CABIN1: variants seen among roughly 807,000 people sequenced by gnomAD.
CABIN1 encodes the protein calcineurin-binding protein cabin-1.
A neutral mutation model predicts 227.7 loss-of-function variants in CABIN1; 133 were observed. The ratio of observed to expected loss-of-function variants is 0.58; its 90% CI spans 0.51 to 0.67. The LOEUF is 0.67. Ranked by LOEUF, CABIN1 falls within the 30% of genes least tolerant of loss-of-function variation. The pLI, the probability that CABIN1 is intolerant of heterozygous loss-of-function variation, is 0.00. For missense variants in CABIN1, 2,408 were observed against 2,852.5 expected (o/e 0.84, Z 3.55); for synonymous variants, 1,086 against 1,155.1 (o/e 0.94, Z 1.21).
chr22:24,067,357 G>C (rs1004815018), intron 16 of CABIN1, among the ~76,000 whole-genome samples, 176 bp downstream of exon 16: 1 of 152,206 alleles, frequency 6.6e-6, no homozygotes, highest in African/African-American at 2.4e-5. Context: ...AAGACTAATG[G>C]AAAGTTAGAA....
intron 22 of CABIN1, among the ~76,000 whole-genome samples, chr22:24,087,161 C>T (rs186869941): frequency 1.3e-5 from 2 of 152,338 alleles, no homozygotes; most frequent in Admixed American, 1.3e-4. Flanking sequence ...GTACTTACTG[C>T]ATGCCTATTA....
intron 1 of CABIN1, among the ~76,000 whole-genome samples, chr22:24,017,790 ATTTTT>A (rs138381748): frequency 7.1e-6 from 1 of 141,550 alleles, no homozygotes; most frequent in East Asian, 2.0e-4. Flanking sequence ...TGCTTTCACC[ATTTTT>A]TTTTTTTTCT....
At chr22:24,166,574 C>G in intron 31 of CABIN1, 65 bp from the exon 32 acceptor site, 1 of 1,607,952 alleles carries the variant, frequency 6.2e-7, no homozygotes, top group Middle Eastern at 1.7e-4. Context: ...TCACCAGCCC[C>G]CAGAGGTGAC....
intron 27 of CABIN1, among the ~76,000 whole-genome samples, chr22:24,118,676 T>C (rs976247621): frequency 1.3e-5 from 2 of 152,162 alleles, no homozygotes; most frequent in African/African-American, 4.8e-5. Flanking sequence ...ATAGCTTTCT[T>C]CTTCTGTAGC....
intron 27 of CABIN1, among the ~76,000 whole-genome samples, chr22:24,117,924 A>C (rs1259148918): frequency 6.6e-6 from 1 of 152,216 alleles, no homozygotes; most frequent in African/African-American, 2.4e-5. Flanking sequence ...TTTTTAATAA[A>C]GTGATGGTAT....
At chr22:24,015,641 G>T (rs2035222636) in intron 1 of CABIN1, among the ~76,000 whole-genome samples, 1 of 151,798 alleles carries the variant, frequency 6.6e-6, no homozygotes, top group Non-Finnish European at 1.5e-5. Flanking sequence ...ACTGCGCCCG[G>T]CCCCTCATTA....
intron 29 of CABIN1, among the ~76,000 whole-genome samples, chr22:24,154,912 A>G (rs2045692126): frequency 6.6e-6 from 1 of 152,192 alleles, no homozygotes; most frequent in Non-Finnish European, 1.5e-5. Context: ...AGGTGTCACC[A>G]GGATAGGGGC....
At chr22:24,173,949 T>C (rs2148802677) in intron 34 of CABIN1, among the ~76,000 whole-genome samples, 1 of 152,276 alleles carries the variant, frequency 6.6e-6, no homozygotes, top group African/African-American at 2.4e-5. Context: ...ACTGCAGGAT[T>C]TGGAATGCTG....
intron 29 of CABIN1, among the ~76,000 whole-genome samples, chr22:24,154,286 C>T (rs1241747196): frequency 1.3e-5 from 2 of 152,180 alleles, no homozygotes; most frequent in African/African-American, 4.8e-5. Flanking sequence ...CTCGTGTCTG[C>T]TACAGCCCTG....
chr22:24,148,336 A>T (rs2045276773), intron 29 of CABIN1, among the ~76,000 whole-genome samples: 1 of 152,090 alleles, frequency 6.6e-6, no homozygotes, highest in Non-Finnish European at 1.5e-5. Context: ...GCTACCCCAG[A>T]CTCTCTAAGG....
chr22:24,090,458 C>T (rs1184321717), intron 23 of CABIN1, among the ~76,000 whole-genome samples: 1 of 151,998 alleles, frequency 6.6e-6, no homozygotes, highest in Non-Finnish European at 1.5e-5. Context: ...TTTGACCCTG[C>T]ACTGTGATGC....
At chr22:24,082,879 C>T (rs1458721289) in intron 19 of CABIN1, among the ~76,000 whole-genome samples, 2 of 152,178 alleles carry the variant, frequency 1.3e-5, no homozygotes, top group African/African-American at 4.8e-5. Flanking sequence ...AGTAAATATT[C>T]GTTGAGGAAA....
chr22:24,119,307 C>A (rs2043263102), intron 27 of CABIN1, 60 bp from the exon 28 acceptor site: 2 of 1,435,316 alleles, frequency 1.4e-6, no homozygotes, highest in Non-Finnish European at 1.9e-6. Flanking sequence ...TGGTGGTAGA[C>A]CACTGCATGG....
At chr22:24,026,512 A>G (rs1005655268) in intron 1 of CABIN1, among the ~76,000 whole-genome samples, 12 of 151,898 alleles carry the variant, frequency 7.9e-5, no homozygotes, top group African/African-American at 2.7e-4. Flanking sequence ...TTTGTTTTGT[A>G]TTTTATGTTT....
chr22:24,155,150 T>A (rs1348458437), intron 29 of CABIN1, among the ~76,000 whole-genome samples: 1 of 152,080 alleles, frequency 6.6e-6, no homozygotes, highest in African/African-American at 2.4e-5. Context: ...CAGGAGTTGG[T>A]AGACTGTCCC....
intron 19 of CABIN1, among the ~76,000 whole-genome samples, chr22:24,076,739 A>G (rs1601939810): frequency 6.6e-6 from 1 of 152,322 alleles, no homozygotes; most frequent in African/African-American, 2.4e-5. Context: ...TTCAGTCACT[A>G]AATGATTAGT....
chr22:24,072,410 A>C lies in CABIN1; in HGVS notation c.2532A>C (p.Ser844=), dbSNP rs111573595. The change falls in exon 18 of 37, where the codon TCA becomes TCC. Residue 844 remains serine, a synonymous_variant. Transcript: ENST00000263119. ...QEEAKEPHVS[S]VLPWIILHRI... ...AGGCCAAGGAGCCCCACGTCTCTTC[A>C]GTGCTACCCTGGATCATTCTACACC... 2.1e-4 allele frequency: 335 copies of C among 1,614,128 alleles called. No individual in the cohort carries two copies. The African/African-American group carries it at 3.7e-3, about 18-fold the overall frequency.
chr22:24,079,006 A>G (rs1296128263), intron 19 of CABIN1, among the ~76,000 whole-genome samples: 1 of 152,212 alleles, frequency 6.6e-6, no homozygotes, highest in Admixed American at 6.5e-5. Context: ...ATACTGAGAT[A>G]CAGTTACATT....
chr22:24,063,726 T>C (rs1011685568), intron 14 of CABIN1, among the ~76,000 whole-genome samples: 2 of 152,146 alleles, frequency 1.3e-5, no homozygotes, highest in African/African-American at 2.4e-5. Context: ...GTGAAGAACA[T>C]TAGTTCTGGA....
Sources: gnomAD v4.1 joint callset for allele counts (sites outside exome capture counted in the v4.1 genomes callset) on GRCh38, gnomAD v4.1.1 for gene constraint, MANE v1.5 for transcripts, NCBI Gene and HGNC (gene_info 2026-07-23, HGNC 2026-07-21) for gene names.